PDZD2: variants seen among roughly 807,000 people sequenced by gnomAD.
PDZD2 encodes PDZ domain-containing protein 2.
PDZD2 carries 90 observed loss-of-function variants against 220.7 expected under a neutral mutation model. The ratio of observed to expected loss-of-function variants is 0.41; its 90% confidence interval spans 0.34 to 0.49. The LOEUF (loss-of-function observed/expected upper bound fraction) is 0.49, where lower values mean the gene tolerates loss of function less well. Ranked by LOEUF, PDZD2 falls within the 20% of genes least tolerant of loss-of-function variation. The probability of loss-of-function intolerance (pLI) is 0.28; values close to 1 mark genes in which losing one functional copy is unlikely to be tolerated. For missense variants in PDZD2, 3,174 were observed against 3,608.5 expected (o/e 0.88, Z 3.08); for synonymous variants, 1,375 against 1,450.5 (o/e 0.95, Z 1.18).
At chr5:31,938,155 G>C (rs1040043957) in intron 2 of PDZD2, among the ~76,000 whole-genome samples, 4 of 152,264 alleles carry the variant, frequency 2.6e-5, no homozygotes, top group Admixed American at 1.3e-4. Flanking sequence ...CAAGTGATCT[G>C]CCCACCTCGG....
At chr5:31,778,906 A>G (rs903704751) in intron 1 of PDZD2, among the ~76,000 whole-genome samples, 1 of 152,216 alleles carries the variant, frequency 6.6e-6, no homozygotes, top group African/African-American at 2.4e-5. Flanking sequence ...CATTTTAGTG[A>G]ATATCCTTCA....
chr5:31,764,629 T>C (rs902670028), intron 1 of PDZD2, among the ~76,000 whole-genome samples: 2 of 152,232 alleles, frequency 1.3e-5, no homozygotes, highest in African/African-American at 4.8e-5. Context: ...AGTTTTCCCA[T>C]GTCAGTATTT....
intron 3 of PDZD2, among the ~76,000 whole-genome samples, chr5:31,994,506 T>A (rs1237540919): frequency 2.6e-5 from 4 of 152,252 alleles, no homozygotes; most frequent in East Asian, 3.9e-4. Flanking sequence ...GTTTTTTGTT[T>A]TTTTGGTGAT....
intron 1 of PDZD2, among the ~76,000 whole-genome samples, chr5:31,747,286 G>T (rs1356246994): frequency 2.0e-5 from 3 of 152,218 alleles, no homozygotes; most frequent in African/African-American, 7.2e-5. Flanking sequence ...GTGAAGCATG[G>T]ATAGTCATGG....
intron 2 of PDZD2, among the ~76,000 whole-genome samples, chr5:31,969,668 G>A (rs1581182716): frequency 1.3e-5 from 2 of 152,124 alleles, no homozygotes; most frequent in South Asian, 4.2e-4. Context: ...TGATGAAAAT[G>A]TCCTAAACTG....
chr5:31,791,590 CAAAAAAAAAAAAA>C (rs1157216997), intron 1 of PDZD2, among the ~76,000 whole-genome samples: 2 of 50,444 alleles, frequency 4.0e-5, no homozygotes, highest in Admixed American at 2.7e-4. Context: ...AACTCCGTCT[CAAAAAAAAAAAAA>C]AAAAAAAAAA....
At chr5:31,988,995 A>G (rs1344618604) in intron 3 of PDZD2, among the ~76,000 whole-genome samples, 1 of 152,246 alleles carries the variant, frequency 6.6e-6, no homozygotes, top group African/African-American at 2.4e-5. Flanking sequence ...ACGTATTCCA[A>G]TTACCATTTG....
At chr5:32,061,244 C>A in intron 14 of PDZD2, 110 bp downstream of exon 14, 2 of 959,522 alleles carry the variant, frequency 2.1e-6, no homozygotes, top group Non-Finnish European at 3.2e-6. Flanking sequence ...AGGCAACCTA[C>A]GGGTGGTTCA....
chr5:32,093,707 G>A (rs1409145764), intron 21 of PDZD2, among the ~76,000 whole-genome samples: 1 of 152,232 alleles, frequency 6.6e-6, no homozygotes, highest in Non-Finnish European at 1.5e-5. Flanking sequence ...GCCAGGTGCA[G>A]TGGCTTACAC....
Position 31,646,000 on chromosome 5 carries a change from A to C in PDZD2, c.-361+6563A>C, listed in dbSNP as rs185218086. 1.4e-3 allele frequency among the ~76,000 whole-genome samples: 207 copies of C among 151,212 alleles called. 1 individual carries two copies. Among genetic ancestry groups the C allele is most frequent in the African/African-American group, 4.5e-3 (187 of 41,342 alleles). On this transcript the variant is annotated intron_variant, in intron 1 of 24. Transcript: ENST00000438447. The stretch of plus-strand genomic sequence containing the variant: ...ACATGGGAGGCCTCCGGGCATCCCC[A>C]GGCAGCTGGTGGGAGGAGAGAGGGT...
intron 2 of PDZD2, among the ~76,000 whole-genome samples, chr5:31,881,022 G>A (rs997591407): frequency 7.3e-5 from 11 of 151,198 alleles, no homozygotes; most frequent in African/African-American, 2.2e-4. Context: ...GCCTGGTCTC[G>A]AACTCCTGAC....
intron 2 of PDZD2, among the ~76,000 whole-genome samples, chr5:31,878,555 C>CTGTTTTTTTTTTTT (rs1739531136): frequency 1.2e-4 from 6 of 48,198 alleles, no homozygotes; most frequent in South Asian, 1.3e-3. Flanking sequence ...ATGACCTCGG[C>CTGTTTTTTTTTTTT]TTTTTTTTTT....
intron 10 of PDZD2, among the ~76,000 whole-genome samples, chr5:32,057,051 G>T (rs761922315): frequency 6.6e-6 from 1 of 152,078 alleles, no homozygotes; most frequent in Non-Finnish European, 1.5e-5. Context: ...CTGAGGTCAC[G>T]CCACCGCACT....
chr5:31,786,667 TGG>T (rs1034397455), intron 1 of PDZD2, among the ~76,000 whole-genome samples: 1 of 151,260 alleles, frequency 6.6e-6, no homozygotes, highest in Non-Finnish European at 1.5e-5. Context: ...CTCCAAGATT[TGG>T]GGGGGTGTAG....
chr5:31,952,652 A>G (rs1054591844), intron 2 of PDZD2, among the ~76,000 whole-genome samples: 1 of 152,232 alleles, frequency 6.6e-6, no homozygotes, highest in African/African-American at 2.4e-5. Context: ...TTTCCTATCT[A>G]TAAATAAATA....
intron 2 of PDZD2, among the ~76,000 whole-genome samples, chr5:31,872,250 G>A (rs768405930): frequency 6.6e-5 from 10 of 152,138 alleles, no homozygotes; most frequent in Non-Finnish European, 1.3e-4. Context: ...GCAGTCTAGA[G>A]AGTGCTCCAT....
At chr5:32,063,201 T>C (rs1581404271) in intron 14 of PDZD2, among the ~76,000 whole-genome samples, 1 of 151,964 alleles carries the variant, frequency 6.6e-6, no homozygotes, top group East Asian at 1.9e-4. Flanking sequence ...TGCGCCACCA[T>C]GCCCAGCTAA....
intron 1 of PDZD2, among the ~76,000 whole-genome samples, chr5:31,779,894 G>T (rs1000306059): frequency 1.3e-5 from 2 of 152,006 alleles, no homozygotes; most frequent in Admixed American, 1.3e-4. Context: ...GCCCACTTTG[G>T]CTGTGTTTCT....
intron 2 of PDZD2, among the ~76,000 whole-genome samples, chr5:31,927,519 G>T (rs540668948): frequency 6.6e-6 from 1 of 152,244 alleles, no homozygotes; most frequent in Admixed American, 6.5e-5. Flanking sequence ...GAGTAGCTGG[G>T]ATTACAGGTG....
Sources: gnomAD v4.1 joint callset for allele counts (sites outside exome capture counted in the v4.1 genomes callset) on GRCh38, gnomAD v4.1.1 for gene constraint, MANE v1.5 for transcripts, NCBI Gene and HGNC (gene_info 2026-07-23, HGNC 2026-07-21) for gene names.